Variants in PCDHA5 observed in about 807,000 individuals in gnomAD.
The protein encoded by PCDHA5 is protocadherin alpha 5.
PCDHA5 carries 43 observed loss-of-function variants against 61.6 expected under a neutral mutation model. That is an observed-to-expected ratio of 0.70 (90% CI 0.55 to 0.90). PCDHA5 has a LOEUF of 0.90. Among genes scored for constraint, PCDHA5 ranks in the 40% least tolerant of loss-of-function variants. The probability of loss-of-function intolerance (pLI) is 0.00; values close to 1 mark genes in which losing one functional copy is unlikely to be tolerated. For missense variants in PCDHA5, 1,298 were observed against 1,222.7 expected, an observed-to-expected ratio of 1.06 and a Z score of -0.92; for synonymous variants, 627 against 543.9, an observed-to-expected ratio of 1.15 and a Z score of -2.13.
At chr5:140,830,027 C>T (rs2150179874) in intron 1 of PCDHA5, 11 of 1,613,766 alleles carry the variant, frequency 6.8e-6, no homozygotes, top group Non-Finnish European at 8.5e-6. Context: ...TCCGCGCCAC[C>T]GGCTGCTGGT....
At chr5:140,832,401 T>C (rs1461467410) in intron 1 of PCDHA5, among the ~76,000 whole-genome samples, 2 of 152,204 alleles carry the variant, frequency 1.3e-5, no homozygotes, top group African/African-American at 4.8e-5. Flanking sequence ...GGTAGTGGTA[T>C]TTTCTGTTTT....
rs1364118007 is a variant in PCDHA5 at position 140,899,089 on chromosome 5, G to T, written c.2352+74962G>T. Among the ~76,000 whole-genome samples the T allele has an allele frequency of 5.3e-5, 8 of 152,134 alleles. No individual in the cohort carries two copies. The East Asian group carries it at 1.5e-3, about 29-fold the overall frequency. On this transcript the variant is annotated intron_variant, in intron 1 of 3. Coordinates refer to ENST00000529859, the MANE Select transcript of PCDHA5 (RefSeq NM_018908.3). ...TGCTTATCAGCTTAAGGAGATTTTG[G>T]GCTGAGATAATGGGGTTTTCTAGAT...
intron 3 of PCDHA5, among the ~76,000 whole-genome samples, chr5:141,004,852 GA>G (rs1474938614): frequency 6.6e-6 from 1 of 152,202 alleles, no homozygotes; most frequent in African/African-American, 2.4e-5. Flanking sequence ...TAGTCTCAGA[GA>G]AAAAATTTGT....
intron 1 of PCDHA5, chr5:140,883,616 G>C: frequency 6.2e-7 from 1 of 1,614,014 alleles, no homozygotes; most frequent in Non-Finnish European, 8.5e-7. Flanking sequence ...CGACGTGAAC[G>C]ACAACGCGCC....
At chr5:140,826,677 T>A (rs897624044) in intron 1 of PCDHA5, among the ~76,000 whole-genome samples, 2 of 152,092 alleles carry the variant, frequency 1.3e-5, no homozygotes, top group African/African-American at 4.8e-5. Context: ...TAGACGTAAT[T>A]AAAAAAACCC....
chr5:140,870,428 T>C, intron 1 of PCDHA5: 3 of 1,614,126 alleles, frequency 1.9e-6, no homozygotes, highest in Non-Finnish European at 2.5e-6. Flanking sequence ...AGGGTATCCG[T>C]GGAGGTGGCC....
At chr5:140,900,956 C>G (rs2068392622) in intron 1 of PCDHA5, among the ~76,000 whole-genome samples, 1 of 152,160 alleles carries the variant, frequency 6.6e-6, no homozygotes, top group African/African-American at 2.4e-5. Flanking sequence ...CTCTGATTAT[C>G]AGTGATGTTG....
In PCDHA5 at chr5:140,828,604, A is replaced by G. The variant is rs2150157266; in HGVS notation, c.2352+4477A>G. On this transcript the variant is annotated intron_variant, in intron 1 of 3. Transcript: ENST00000529859. The stretch of plus-strand genomic sequence containing the variant: ...GCTCAAATTCCATCTTAACCTATAA[A>G]CTCAGTTCTAGCGAATACTTCGGGC... 71 of 1,614,018 alleles carry G rather than the reference A, an allele frequency of 4.4e-5. 1 individual carries two copies. The highest frequency in any genetic ancestry group is 1.5e-4 in the Admixed American group (9 of 59,998).
At chr5:140,850,249 T>TGGGC in intron 1 of PCDHA5, 1 of 1,593,502 alleles carries the variant, frequency 6.3e-7, no homozygotes, top group Non-Finnish European at 8.6e-7. Context: ...CTGCGGTCGG[T>TGGGC]GGGCGCCGGC....
intron 1 of PCDHA5, among the ~76,000 whole-genome samples, chr5:140,930,655 C>T (rs1554207993): frequency 6.6e-6 from 1 of 152,110 alleles, no homozygotes; most frequent in Non-Finnish European, 1.5e-5. Context: ...TGAAGCATTC[C>T]TTGTTTTACT....
At chr5:140,882,755 G>C (rs1554175453) in intron 1 of PCDHA5, 3 of 1,614,112 alleles carry the variant, frequency 1.9e-6, no homozygotes, top group Non-Finnish European at 2.5e-6. Context: ...TGCAGATATT[G>C]GAGTAAACTC....
chr5:140,906,595 C>T (rs1341854347), intron 1 of PCDHA5, among the ~76,000 whole-genome samples: 1 of 152,218 alleles, frequency 6.6e-6, no homozygotes, highest in Non-Finnish European at 1.5e-5. Context: ...CCTTCCTCTA[C>T]TACTCATTCT....
chr5:140,837,516 C>CA (rs149634951), intron 1 of PCDHA5, among the ~76,000 whole-genome samples: 2,511 of 151,672 alleles, frequency 0.017, 104 homozygotes, highest in African/African-American at 0.056. Flanking sequence ...AAGCAGTTTA[C>CA]TTTTTTTGTA....
At chr5:140,972,660 A>T (rs868975656) in intron 1 of PCDHA5, among the ~76,000 whole-genome samples, 47 of 117,276 alleles carry the variant, frequency 4.0e-4, no homozygotes, top group Non-Finnish European at 6.8e-4. Flanking sequence ...AAGAAACCAA[A>T]TTTTTTTTTT....
chr5:140,834,695 C>A (rs2150224453), intron 1 of PCDHA5: 1 of 1,614,120 alleles, frequency 6.2e-7, no homozygotes, highest in Non-Finnish European at 8.5e-7. Context: ...AGTGCAGCAT[C>A]CACCTGGAGG....
Position 140,857,792 on chromosome 5 carries a change from C to T in PCDHA5, c.2352+33665C>T, listed in dbSNP as rs368399538. 21 of 1,597,428 alleles carry T rather than the reference C, an allele frequency of 1.3e-5. 1 individual carries two copies. In the African/African-American group the frequency reaches 2.6e-4, roughly 19 times the overall value. On this transcript the variant is annotated intron_variant, in intron 1 of 3. Coordinates refer to ENST00000529859, the MANE Select transcript of PCDHA5 (RefSeq NM_018908.3). ...CGGTGCAGTCAGTGAGCTGGTGCTGCGGTCGGTGGTTGCGGGTCACGTGGT... is the reference window on the plus strand; with the variant it reads ...CGGTGCAGTCAGTGAGCTGGTGCTGTGGTCGGTGGTTGCGGGTCACGTGGT...
In PCDHA5 at chr5:140,822,633, C is replaced by T. The variant is rs143650923; in HGVS notation, c.858C>T (p.Asp286=). The change falls in exon 1 of 4, where the codon GAC becomes GAT. Residue 286 remains aspartate, a synonymous_variant. Transcript: ENST00000529859. The stretch of plus-strand genomic sequence containing the variant: ...ATTTCTTTAGTAATCTTGTTCTTGA[C>T]GATGTAAAGTCCAAATTTATAATTA... ...IVYFFSNLVL[D]DVKSKFIINS... is the part of the protein sequence containing the mutation. 1.7e-5 allele frequency: 28 copies of T among 1,610,462 alleles called. No individual in the cohort carries two copies. Among genetic ancestry groups the T allele is most frequent in the African/African-American group, 2.7e-5 (2 of 74,716 alleles).
At chr5:140,861,327 T>C (rs1363614329) in intron 1 of PCDHA5, 2 of 243,212 alleles carry the variant, frequency 8.2e-6, no homozygotes, top group Middle Eastern at 1.5e-3. Flanking sequence ...CACTACACCA[T>C]CCTGGAAGAG....
chr5:140,920,747 G>A (rs565649077), intron 1 of PCDHA5, among the ~76,000 whole-genome samples: 10 of 152,052 alleles, frequency 6.6e-5, no homozygotes, highest in African/African-American at 2.4e-4. Context: ...AGGAGGCTGA[G>A]GCAGGAGAAT....
Sources: allele counts gnomAD v4.1 joint callset (sites outside exome capture counted in the v4.1 genomes callset), GRCh38; gene constraint gnomAD v4.1.1; transcripts MANE v1.5; gene names NCBI Gene and HGNC (gene_info 2026-07-23, HGNC 2026-07-21).